The following ZGRF1 variants were observed in gnomAD, a reference collection of about 807,000 sequenced individuals.
ZGRF1 encodes 5'-3' DNA helicase ZGRF1.
Under a neutral mutation model 203.5 loss-of-function variants are expected in ZGRF1, and 196 were observed. That is an observed-to-expected ratio of 0.96 (90% CI 0.86 to 1.08). ZGRF1 has a LOEUF of 1.08. Among genes scored for constraint, ZGRF1 ranks in the 50% least tolerant of loss-of-function variants. ZGRF1 has a pLI of 0.00. For missense variants in ZGRF1, 2,326 were observed against 2,416.3 expected, an observed-to-expected ratio of 0.96 and a Z score of 0.78; for synonymous variants, 809 against 841.3, an observed-to-expected ratio of 0.96 and a Z score of 0.66.
At chr4:112,547,697 T>G (rs1739093580) in intron 23 of ZGRF1, among the ~76,000 whole-genome samples, 1 of 152,218 alleles carries the variant, frequency 6.6e-6, no homozygotes, top group Non-Finnish European at 1.5e-5. Context: ...AAATGCTGGT[T>G]TTTAGAATCC....
rs1471181993 is a variant in ZGRF1, at chr4:112,617,367, A to C, written c.2602+73T>G. 7.3e-6 allele frequency: 8 copies of C among 1,099,252 alleles called. No homozygotes were observed. The Admixed American group carries it at 2.0e-4, about 28-fold the overall frequency. The allele number at this position is 1,099,252 out of a possible 1,614,324, so 68.1% of individuals were successfully genotyped here. ...TGTAATTCTTTAATGTATCACCCAG[A>C]GCTAATATCTTCTTTCTTTATAGCT... On this transcript the variant is annotated intron_variant, in intron 6 of 27. Transcript: ENST00000505019.
intron 7 of ZGRF1, chr4:112,610,977 T>C (rs1560854401): frequency 3.5e-6 from 1 of 282,296 alleles, no homozygotes; most frequent in Non-Finnish European, 6.9e-6. Flanking sequence ...TTAATAAATA[T>C]TCTGAGAGGC....
chr4:112,582,826 G>A lies in ZGRF1; in HGVS notation c.4299-1024C>T, dbSNP rs145165900. ...ATGACAAGATTTCATTCTTTTTTAT[G>A]GCTGAGTAAGATCCCATTGTGTGTG... On this transcript the variant is annotated intron_variant, in intron 15 of 27. Coordinates refer to ENST00000505019, the MANE Select transcript of ZGRF1 (RefSeq NM_018392.5). Among the ~76,000 whole-genome samples, 10 of 152,134 alleles carry A rather than the reference G, an allele frequency of 6.6e-5. No individual in the cohort carries two copies. The East Asian group carries it at 1.9e-3, about 29-fold the overall frequency.
At chr4:112,587,238 A>T in intron 12 of ZGRF1, 42 bp downstream of exon 12, 1 of 1,528,926 alleles carries the variant, frequency 6.5e-7, no homozygotes, top group South Asian at 1.3e-5. Flanking sequence ...TCAGACAATA[A>T]CTATTGGAAA....
chr4:112,549,918 C>T (rs1449357180), intron 22 of ZGRF1, among the ~76,000 whole-genome samples: 3 of 152,024 alleles, frequency 2.0e-5, no homozygotes, highest in African/African-American at 4.8e-5. Flanking sequence ...CAAGGCTGGG[C>T]GCAGTGGCTC....
chr4:112,572,449 C>A (rs574502625), intron 16 of ZGRF1, among the ~76,000 whole-genome samples: 147 of 152,226 alleles, frequency 9.7e-4, no homozygotes, highest in African/African-American at 3.4e-3. Flanking sequence ...CATAAAAATT[C>A]TAGAACATCA....
At chr4:112,591,189 A>C (rs2149042372) in intron 10 of ZGRF1, among the ~76,000 whole-genome samples, 1 of 152,296 alleles carries the variant, frequency 6.6e-6, no homozygotes, top group East Asian at 1.9e-4. Flanking sequence ...TAACTTGTTT[A>C]ATCCTTGTCA....
At chr4:112,601,059 C>T (rs1267830577) in intron 10 of ZGRF1, among the ~76,000 whole-genome samples, 17 of 151,210 alleles carry the variant, frequency 1.1e-4, no homozygotes, top group Admixed American at 6.6e-4. Flanking sequence ...GGCAAAATCA[C>T]GCCACTGCAC....
At chr4:112,608,629 A>G (rs1260918330) in intron 8 of ZGRF1, among the ~76,000 whole-genome samples, 1 of 152,216 alleles carries the variant, frequency 6.6e-6, no homozygotes, top group Non-Finnish European at 1.5e-5. Context: ...TTAAAAAACA[A>G]AAAGAAAAAA....
intron 9 of ZGRF1, among the ~76,000 whole-genome samples, chr4:112,604,623 T>A (rs1036388919): frequency 1.1e-4 from 16 of 152,162 alleles, no homozygotes; most frequent in Admixed American, 3.3e-4. Flanking sequence ...AATATCAGGC[T>A]CAACTGCAGG....
At chr4:112,587,977 T>C (rs767380851) in intron 11 of ZGRF1, 48 bp from the exon 12 acceptor site, 12 of 1,380,288 alleles carry the variant, frequency 8.7e-6, no homozygotes, top group South Asian at 6.6e-5. Flanking sequence ...CTACTAGTTA[T>C]CACCTAGGCT....
intron 14 of ZGRF1, 59 bp downstream of exon 14, chr4:112,585,482 A>G: frequency 6.4e-6 from 9 of 1,401,474 alleles, no homozygotes; most frequent in Non-Finnish European, 8.7e-6. Context: ...AGTAATAGGT[A>G]TCTAAACCCT....
intron 17 of ZGRF1, 115 bp downstream of exon 17, chr4:112,563,016 G>T: frequency 1.3e-6 from 1 of 740,832 alleles, no homozygotes; most frequent in Non-Finnish European, 2.1e-6. Context: ...GGAACTCACT[G>T]TACACAACAG....
rs1259598070 is a variant in ZGRF1 at position 112,553,921 on chromosome 4, C to T, written c.5260G>A (p.Glu1754Lys). 6.2e-7 allele frequency: 1 copy of T among 1,613,504 alleles called. No homozygotes were observed. Among genetic ancestry groups the T allele is most frequent in the Non-Finnish European group, 8.5e-7 (1 of 1,179,746 alleles). Residue 1754 changes from glutamate (E) to lysine (K), a missense_variant, in exon 22 of 28, where the codon GAA becomes AAA. Coordinates refer to ENST00000505019, the MANE Select transcript of ZGRF1 (RefSeq NM_018392.5). ...ACTCTTTCCGTAGGAGTCAGGTCTT[C>T]TTTCATTAGTGCATGTAGTTCTTTT... Reference protein sequence around the residue: ...QLKELHALMKEDLTPTERVYV... With the variant: ...QLKELHALMKKDLTPTERVYV...
intron 9 of ZGRF1, among the ~76,000 whole-genome samples, chr4:112,605,031 T>A (rs1328944411): frequency 6.6e-6 from 1 of 152,190 alleles, no homozygotes; most frequent in East Asian, 1.9e-4. Flanking sequence ...GTGGAAAATA[T>A]TCTTCTGAAT....
At position 112,619,663 on chromosome 4, in the gene ZGRF1, T is replaced by C. The variant is rs528169487; in HGVS notation, c.379A>G (p.Lys127Glu). 3.1e-5 allele frequency: 50 copies of C among 1,611,686 alleles called. No individual in the cohort carries two copies. Among genetic ancestry groups the C allele is most frequent in the South Asian group, 4.4e-5 (4 of 90,450 alleles). Residue 127 changes from lysine to glutamate, a missense_variant, in exon 6 of 28, where the codon AAG becomes GAG. By Grantham distance (56) the Lys-to-Glu change is moderately conservative. Coordinates refer to ENST00000505019, the MANE Select transcript of ZGRF1 (RefSeq NM_018392.5). Reference sequence around the variant, plus strand: ...CCACTTTCCATAATAACCATTTTCTTTGGAACCTGACGTGGTCCTTGAAAA... The same window carrying C: ...CCACTTTCCATAATAACCATTTTCTCTGGAACCTGACGTGGTCCTTGAAAA... The part of the protein sequence containing the change: ...TGFQGPRQVP[K>E]KMVIMESGES...
intron 16 of ZGRF1, among the ~76,000 whole-genome samples, chr4:112,574,786 G>A (rs1744842630): frequency 1.3e-5 from 2 of 152,064 alleles, no homozygotes; most frequent in African/African-American, 2.4e-5. Context: ...AATCCCATGG[G>A]AGGCCAAGGT....
At chr4:112,635,825 C>T (rs145893330) in intron 1 of ZGRF1, among the ~76,000 whole-genome samples, 17 of 151,886 alleles carry the variant, frequency 1.1e-4, no homozygotes, top group Admixed American at 1.0e-3. Flanking sequence ...TTTAGGATAA[C>T]TTATATGCTA....
chr4:112,623,684 CAA>C (rs2047136181), intron 4 of ZGRF1, 131 bp downstream of exon 4: 4 of 590,674 alleles, frequency 6.8e-6, no homozygotes, highest in African/African-American at 5.8e-5. Flanking sequence ...GGTTTTAGCA[CAA>C]AGTCTAGCTA....
Sources: allele counts gnomAD v4.1 joint callset (sites outside exome capture counted in the v4.1 genomes callset), GRCh38; gene constraint gnomAD v4.1.1; transcripts MANE v1.5; gene names NCBI Gene and HGNC (gene_info 2026-07-23, HGNC 2026-07-21).